Variants in BBS9 observed in about 807,000 individuals in gnomAD.
BBS9 encodes protein PTHB1.
BBS9 carries 89 observed loss-of-function variants against 117.7 expected under a neutral mutation model. That is an observed-to-expected ratio of 0.76 (90% CI 0.64 to 0.90). The LOEUF (loss-of-function observed/expected upper bound fraction) is 0.90. BBS9 is among the 40% of genes least tolerant of loss of function. BBS9 has a pLI of 0.00. For synonymous variants in BBS9, 379 were observed against 370.9 expected (o/e 1.02, Z -0.25); for missense variants, 982 against 1,042.2 (o/e 0.94, Z 0.80).
intron 5 of BBS9, chr7:33,242,816 T>C (rs1413047850): frequency 2.8e-6 from 1 of 355,408 alleles, no homozygotes; most frequent in Non-Finnish European, 5.7e-6. Flanking sequence ...ATGTTAAATT[T>C]GGAATCAGAA....
chr7:33,483,766 G>T (rs916013337), intron 19 of BBS9, among the ~76,000 whole-genome samples: 1 of 151,704 alleles, frequency 6.6e-6, no homozygotes, highest in African/African-American at 2.4e-5. Flanking sequence ...GAGTAGTTGA[G>T]ACTACATCTA....
intron 5 of BBS9, among the ~76,000 whole-genome samples, chr7:33,253,805 C>T (rs1023873835): frequency 2.0e-5 from 3 of 152,140 alleles, no homozygotes; most frequent in African/African-American, 7.2e-5. Flanking sequence ...AAGGGCATGT[C>T]TGCAAGTTGT....
intron 9 of BBS9, among the ~76,000 whole-genome samples, chr7:33,335,474 T>TTATG (rs1399755473): frequency 1.3e-5 from 2 of 152,182 alleles, no homozygotes; most frequent in Non-Finnish European, 2.9e-5. Flanking sequence ...AACAAATCCA[T>TTATG]TATGTATCAA....
intron 12 of BBS9, among the ~76,000 whole-genome samples, chr7:33,345,024 A>G (rs1817331994): frequency 6.6e-6 from 1 of 152,214 alleles, no homozygotes; most frequent in Non-Finnish European, 1.5e-5. Flanking sequence ...TTGATATTGG[A>G]GAAGCACGGG....
chr7:33,348,806 A>C (rs1818077535), intron 12 of BBS9, among the ~76,000 whole-genome samples: 1 of 152,138 alleles, frequency 6.6e-6, no homozygotes, highest in African/African-American at 2.4e-5. Context: ...TATCTCCTTC[A>C]TAACTAAGGA....
chr7:33,564,070 C>T (rs1173872473), intron 21 of BBS9, among the ~76,000 whole-genome samples: 4 of 152,116 alleles, frequency 2.6e-5, no homozygotes, highest in Non-Finnish European at 5.9e-5. Context: ...GTTACTGAAT[C>T]TTGCTTTAAA....
rs115266851 is a variant in BBS9 at position 33,260,210 on chromosome 7, C to T, written c.617+2800C>T. 4.6e-5 allele frequency among the ~76,000 whole-genome samples: 7 copies of T among 152,098 alleles called. No individual in the cohort carries two copies. The East Asian group carries it at 5.8e-4, about 13-fold the overall frequency. On this transcript the variant is annotated intron_variant, in intron 6 of 22. Transcript: ENST00000242067. ...AGAGACAGGGTTTCATTGTGTTGCC[C>T]GGGCTGGTTGCGAACTCCTGAGCTC...
chr7:33,266,381 T>G (rs1798825964), intron 7 of BBS9, among the ~76,000 whole-genome samples: 1 of 152,206 alleles, frequency 6.6e-6, no homozygotes, highest in Non-Finnish European at 1.5e-5. Context: ...GCTTCCTGTG[T>G]TACTCACAGC....
At chr7:33,462,209 C>T (rs181237129) in intron 19 of BBS9, among the ~76,000 whole-genome samples, 60 of 152,088 alleles carry the variant, frequency 3.9e-4, no homozygotes, top group Non-Finnish European at 7.4e-4. Context: ...AAATGTTCTC[C>T]TTGTGTTAAA....
At chr7:33,161,969 T>A (rs144606166) in intron 4 of BBS9, among the ~76,000 whole-genome samples, 2,195 of 152,296 alleles carry the variant, frequency 0.014, 57 homozygotes, top group African/African-American at 0.05. Flanking sequence ...GATGGAATTG[T>A]TTGTTTTTTT....
At chr7:33,251,673 G>C (rs979265076) in intron 5 of BBS9, among the ~76,000 whole-genome samples, 1 of 152,180 alleles carries the variant, frequency 6.6e-6, no homozygotes, top group Non-Finnish European at 1.5e-5. Context: ...AAATAATAAT[G>C]TGTTTGGGTA....
At chr7:33,138,417 C>G (rs1790897012) in intron 1 of BBS9, among the ~76,000 whole-genome samples, 1 of 151,104 alleles carries the variant, frequency 6.6e-6, no homozygotes, top group Non-Finnish European at 1.5e-5. Flanking sequence ...TACATCAGTG[C>G]CTCTTCAACC....
chr7:33,291,148 G>C (rs1478292425), intron 9 of BBS9, among the ~76,000 whole-genome samples: 1 of 152,062 alleles, frequency 6.6e-6, no homozygotes, highest in Non-Finnish European at 1.5e-5. Context: ...ATTTTTATCA[G>C]ATAGAATTTG....
chr7:33,574,684 AACACACACAC>A (rs371229936), intron 21 of BBS9, among the ~76,000 whole-genome samples: 48 of 137,648 alleles, frequency 3.5e-4, no homozygotes, highest in African/African-American at 8.4e-4. Context: ...AGTCATAGAA[AACACACACAC>A]ACACACACAC....
chr7:33,394,905 C>G (rs73689610), intron 19 of BBS9, among the ~76,000 whole-genome samples: 3 of 152,264 alleles, frequency 2.0e-5, no homozygotes, highest in Admixed American at 6.5e-5. Flanking sequence ...GAACCTGAGA[C>G]TCTGAGTAGA....
At chr7:33,432,660 A>G (rs914360320) in intron 19 of BBS9, among the ~76,000 whole-genome samples, 1 of 152,186 alleles carries the variant, frequency 6.6e-6, no homozygotes, top group Non-Finnish European at 1.5e-5. Context: ...AGAAAAGAAA[A>G]GTTGTCTATG....
chr7:33,134,333 G>A (rs1372694948), intron 1 of BBS9, among the ~76,000 whole-genome samples: 1 of 151,388 alleles, frequency 6.6e-6, no homozygotes, highest in Non-Finnish European at 1.5e-5. Context: ...CCAACGTGCT[G>A]GGATTACAGG....
chr7:33,203,253 T>C (rs1786233186), intron 5 of BBS9, among the ~76,000 whole-genome samples: 1 of 152,232 alleles, frequency 6.6e-6, no homozygotes, highest in African/African-American at 2.4e-5. Flanking sequence ...TCTACAATAG[T>C]GGTTCTCAAA....
Position 33,349,079 on chromosome 7 carries a change from G to A in BBS9, c.1341G>A (p.Gln447=). 6.2e-7 allele frequency: 1 copy of A among 1,604,970 alleles called. No homozygotes were observed. Among genetic ancestry groups the A allele is most frequent in the Non-Finnish European group, 8.5e-7 (1 of 1,171,986 alleles). ...TTCTGTTTCCTTAGGTCACACTGCA[G>A]AACAGAGTGATATTGCAAAAAGCCA... The part of the protein sequence containing the change: ...VPSVTVKVTL[Q]NRVILQKAKL... The change falls in exon 13 of 23, where the codon CAG becomes CAA. Residue 447 remains glutamine, a synonymous_variant. Transcript: ENST00000242067.
Sources: allele counts gnomAD v4.1 joint callset (sites outside exome capture counted in the v4.1 genomes callset), GRCh38; gene constraint gnomAD v4.1.1; transcripts MANE v1.5; gene names NCBI Gene and HGNC (gene_info 2026-07-23, HGNC 2026-07-21).